The following CFHR4 variants were observed in gnomAD, a reference collection of about 807,000 sequenced individuals.
The protein encoded by CFHR4 is complement factor H related 4, also known as complement factor H-related protein 4.
In CFHR4, 64 loss-of-function variants were observed where a neutral mutation model predicts 69.3. The ratio of observed to expected loss-of-function variants is 0.92; its 90% CI spans 0.76 to 1.14. The LOEUF is 1.14. CFHR4 is among the 50% of genes most tolerant of loss of function. The probability of loss-of-function intolerance (pLI) is 0.00; values close to 1 mark genes in which losing one functional copy is unlikely to be tolerated. For missense variants in CFHR4, 636 were observed against 684.9 expected, an observed-to-expected ratio of 0.93 and a Z score of 0.80; for synonymous variants, 244 against 237.0, an observed-to-expected ratio of 1.03 and a Z score of -0.27.
At chr1:196,913,687 G>A (rs1658410061) in intron 7 of CFHR4, among the ~76,000 whole-genome samples, 1 of 151,248 alleles carries the variant, frequency 6.6e-6, no homozygotes, top group South Asian at 2.1e-4. Flanking sequence ...TTTTAACCCA[G>A]ATACTGTTGT....
intron 6 of CFHR4, 77 bp from the exon 7 acceptor site, chr1:196,912,663 C>A: frequency 1.4e-6 from 2 of 1,407,392 alleles, no homozygotes; most frequent in Non-Finnish European, 9.5e-7. Context: ...GCCATATTGC[C>A]ATGTTTTTAC....
intron 1 of CFHR4, among the ~76,000 whole-genome samples, chr1:196,900,290 T>C (rs1447034136): frequency 1.3e-5 from 2 of 149,328 alleles, no homozygotes; most frequent in Non-Finnish European, 3.0e-5. Flanking sequence ...TTCTGCTGAC[T>C]TCAGTGCCAA....
At position 196,901,498 on chromosome 1, in the gene CFHR4, C is replaced by T. The variant is rs78395928; in HGVS notation, c.59-920C>T. Among the ~76,000 whole-genome samples the T allele has an allele frequency of 9.4e-4, 142 of 150,934 alleles. 6 individuals are homozygous for T. The East Asian group carries it at 0.021, about 23-fold the overall frequency. ...AATGGAGATAATAAACAATATTGTG[C>T]GTGTGTGTGTGGTGCATATGTTGGA... On this transcript the variant is annotated intron_variant, in intron 1 of 9. Coordinates refer to ENST00000608469, the MANE Select transcript of CFHR4 (RefSeq NM_001201550.3).
rs777174191 is a variant in CFHR4 at position 196,910,293 on chromosome 1, G to T, written c.812G>T (p.Cys271Phe). 5 of 1,591,796 alleles carry T rather than the reference G, an allele frequency of 3.1e-6. No individual in the cohort carries two copies. In the East Asian group the frequency reaches 9.0e-5, roughly 29 times the overall value. ...TTTTTGTTACAAGCAATGAAACCTTGTGAGTTTCCAGAAATTCAACATGGA... is the reference window on the plus strand; with the variant it reads ...TTTTTGTTACAAGCAATGAAACCTTTTGAGTTTCCAGAAATTCAACATGGA... ...EPPRCISMKP[C>F]EFPEIQHGHL... The change falls in exon 6 of 10, where the codon TGT (cysteine) becomes TTT (phenylalanine). Residue 271 changes from cysteine (C) to phenylalanine (F), a missense_variant. Cys to Phe is a radical substitution (Grantham distance 205, BLOSUM62 -2). This residue lies in a region of CFHR4 where 529 missense variants were observed against 533.2 expected (regional missense o/e 0.99). Transcript: ENST00000608469.
At chr1:196,902,086 T>C (rs1181037043) in intron 1 of CFHR4, among the ~76,000 whole-genome samples, 6 of 151,512 alleles carry the variant, frequency 4.0e-5, no homozygotes, top group African/African-American at 7.3e-5. Context: ...TGATTTCTGA[T>C]GGGATGGAAC....
intron 9 of CFHR4, among the ~76,000 whole-genome samples, chr1:196,916,258 G>C (rs1658620600): frequency 6.6e-6 from 1 of 151,502 alleles, no homozygotes; most frequent in African/African-American, 2.4e-5. Context: ...AAGAAAACTT[G>C]CCACAAGTTT....
intron 3 of CFHR4, 141 bp from the exon 4 acceptor site, chr1:196,906,718 ACT>A: frequency 1.1e-5 from 9 of 809,448 alleles, no homozygotes; most frequent in Non-Finnish European, 1.7e-5. Flanking sequence ...CAAAAAAAAC[ACT>A]GATTGTCGGA....
At chr1:196,914,859 C>G (rs1176273442) in intron 8 of CFHR4, 97 bp from the exon 9 acceptor site, 2 of 1,480,876 alleles carry the variant, frequency 1.4e-6, no homozygotes, top group Non-Finnish European at 1.8e-6. Context: ...CCTAAGAAAT[C>G]AAATAAGATA....
intron 1 of CFHR4, among the ~76,000 whole-genome samples, chr1:196,895,547 C>A (rs890019843): frequency 2.0e-5 from 3 of 151,354 alleles, no homozygotes; most frequent in African/African-American, 7.3e-5. Context: ...CTCTACTATG[C>A]CTCTGAATCT....
At chr1:196,896,832 TTC>T (rs993425144) in intron 1 of CFHR4, among the ~76,000 whole-genome samples, 3 of 151,638 alleles carry the variant, frequency 2.0e-5, no homozygotes, top group Non-Finnish European at 4.4e-5. Context: ...CTTCCCAGAT[TTC>T]TTTTTCTATA....
intron 1 of CFHR4, among the ~76,000 whole-genome samples, chr1:196,896,908 T>G (rs1337190650): frequency 6.6e-6 from 1 of 151,510 alleles, no homozygotes; most frequent in East Asian, 1.9e-4. Flanking sequence ...TTTATTATTA[T>G]TATTATACTT....
In CFHR4 at chr1:196,918,598, T is replaced by C. The variant is rs1158972376; in HGVS notation, c.*192T>C. 1 of 567,996 alleles carries C rather than the reference T, an allele frequency of 1.8e-6. No homozygotes were observed. Among genetic ancestry groups the C allele is most frequent in the Non-Finnish European group, 3.0e-6 (1 of 330,164 alleles). 35.2% of individuals were successfully genotyped at this position (567,996 alleles called of 1,614,324 possible). A position where few individuals can be genotyped will look rare whatever the true frequency, so the allele number is the denominator to read the frequency against. On this transcript the variant is annotated 3_prime_UTR_variant, in exon 10 of 10. Transcript: ENST00000608469. ...AAACAAACTAAATTATTGCTTATGC[T>C]TGTACTAAAATAATAAAAACTACCC...
chr1:196,901,696 A>G (rs1420287346), intron 1 of CFHR4, among the ~76,000 whole-genome samples: 1 of 151,424 alleles, frequency 6.6e-6, no homozygotes, highest in Non-Finnish European at 1.5e-5. Flanking sequence ...GTGCTTAAAC[A>G]TATATGTCAA....
chr1:196,897,486 A>G (rs1657364363), intron 1 of CFHR4, among the ~76,000 whole-genome samples: 1 of 151,460 alleles, frequency 6.6e-6, no homozygotes, highest in Non-Finnish European at 1.5e-5. Context: ...GTGGTCCTAA[A>G]GAATTGGATC....
rs140499378 is a variant in CFHR4 at position 196,903,814 on chromosome 1, C to G, written c.256+1199C>G. On this transcript the variant is annotated intron_variant, in intron 2 of 9. Transcript: ENST00000608469. ...ATTTAAGTAGATTATAAAATTATAG[C>G]ATTAATTAACAATGCTTGCCCAAAG... 3.7e-3 allele frequency among the ~76,000 whole-genome samples: 555 copies of G among 151,408 alleles called. 18 individuals carry two copies. Among genetic ancestry groups the G allele is most frequent in the African/African-American group, 0.013 (539 of 41,042 alleles).
intron 1 of CFHR4, among the ~76,000 whole-genome samples, chr1:196,893,426 G>GT: frequency 6.6e-6 from 1 of 151,536 alleles, no homozygotes; most frequent in Admixed American, 6.6e-5. Context: ...GTTGGTGGTA[G>GT]AAGAGTTGAT....
rs1378525937 is a variant in CFHR4, at chr1:196,905,351, T to C, written c.439+61T>C. ...AACTTCTTTCCTCTCTTTGAGGTGA[T>C]AGTGTTTTACAGAAAAAGATAGAAA... On this transcript the variant is annotated intron_variant, in intron 3 of 9. Transcript: ENST00000608469. The C allele has an allele frequency of 1.8e-5, 28 of 1,589,338 alleles. 1 individual carries two copies. Among genetic ancestry groups the C allele is most frequent in the South Asian group, 3.4e-5 (3 of 87,710 alleles).
chr1:196,905,276 A>C lies in CFHR4; in HGVS notation c.425A>C (p.Gln142Pro). 6.2e-7 allele frequency: 1 copy of C among 1,611,234 alleles called. No individual in the cohort carries two copies. Among genetic ancestry groups the C allele is most frequent in the Non-Finnish European group, 8.5e-7 (1 of 1,178,708 alleles). ...TGTTTGCAAAATGGATGGTCAACAC[A>C]ACCAATTTGCATTAGTAAGTTATTT... Reference protein sequence around the residue: ...ITCLQNGWSTQPICIKFCDMP... With the variant: ...ITCLQNGWSTPPICIKFCDMP... Residue 142 changes from glutamine (Q) to proline (P), a missense_variant, in exon 3 of 10, where the codon CAA becomes CCA. By Grantham distance (76) the Gln-to-Pro change is moderately conservative (BLOSUM62 -1). Around this residue, in one of 3 missense-constraint regions of CFHR4, gnomAD observed 529 missense variants for 533.2 expected, o/e 0.99. Transcript: ENST00000608469.
chr1:196,902,457 G>T lies in CFHR4; in HGVS notation c.98G>T (p.Gly33Val), dbSNP rs1453693588. The T allele has an allele frequency of 4.3e-6, 7 of 1,611,340 alleles. 1 individual carries two copies. The highest frequency in any genetic ancestry group is 1.6e-4 in the Middle Eastern group (1 of 6,074). The change falls in exon 2 of 10, where the codon GGT becomes GTT. Residue 33 changes from glycine (G) to valine (V), a missense_variant. Around this residue, in one of 3 missense-constraint regions of CFHR4, gnomAD observed 529 missense variants for 533.2 expected, o/e 0.99. Coordinates refer to ENST00000608469, the MANE Select transcript of CFHR4 (RefSeq NM_001201550.3). ...PCDFPEIQHG[G>V]LYYKSLRRLY... ...GATTTTCCAGAAATTCAACATGGAG[G>T]TCTATATTATAAGAGTTTGCGTAGA... is the stretch of plus-strand genomic sequence containing the variant.
Sources: allele counts gnomAD v4.1 joint callset (sites outside exome capture counted in the v4.1 genomes callset), GRCh38; gene constraint gnomAD v4.1.1; regional missense constraint gnomAD v4.1.1; transcripts MANE v1.5; gene names NCBI Gene and HGNC (gene_info 2026-07-23, HGNC 2026-07-21).